TDRD7: variants seen among roughly 807,000 people sequenced by gnomAD.
The protein encoded by TDRD7 is tudor domain-containing protein 7.
A neutral mutation model predicts 109.8 loss-of-function variants in TDRD7; 47 were observed. The observed-to-expected ratio is 0.43, with a 90% CI of 0.34 to 0.55. The LOEUF (loss-of-function observed/expected upper bound fraction) is 0.55. TDRD7 is among the 20% of genes least tolerant of loss of function. TDRD7 has a pLI of 0.03. For synonymous variants in TDRD7, 424 were observed against 457.3 expected, an observed-to-expected ratio of 0.93 and a Z score of 0.93; for missense variants, 1,164 against 1,319.2, an observed-to-expected ratio of 0.88 and a Z score of 1.82.
chr9:97,471,293 C>G (rs1828907250), intron 9 of TDRD7, among the ~76,000 whole-genome samples: 1 of 152,106 alleles, frequency 6.6e-6, no homozygotes, highest in African/African-American at 2.4e-5. Context: ...GGACTTGAGC[C>G]AAATGCAGAA....
chr9:97,486,608 C>A lies in TDRD7; in HGVS notation c.2916-564C>A, dbSNP rs140794410. Among the ~76,000 whole-genome samples, 433 of 152,180 alleles carry A rather than the reference C, an allele frequency of 2.8e-3. 1 individual carries two copies. Among genetic ancestry groups the A allele is most frequent in the African/African-American group, 9.2e-3 (384 of 41,534 alleles). On this transcript the variant is annotated intron_variant, in intron 15 of 16. Transcript: ENST00000355295. ...TTTGATCTGTCCCCAGCGTGCCTTC[C>A]TAGTCTGACTTCTCTTCCATTCTTC...
At chr9:97,424,633 A>G (rs918421836) in intron 1 of TDRD7, among the ~76,000 whole-genome samples, 1 of 152,074 alleles carries the variant, frequency 6.6e-6, no homozygotes, top group Non-Finnish European at 1.5e-5. Flanking sequence ...TAGTGTTTGC[A>G]TGGTACATCT....
chr9:97,495,293 A>G (rs1417988132), intron 16 of TDRD7, among the ~76,000 whole-genome samples: 1 of 152,214 alleles, frequency 6.6e-6, no homozygotes, highest in Non-Finnish European at 1.5e-5. Flanking sequence ...TCCATCAGAA[A>G]AAAAATTTTT....
At chr9:97,440,126 C>T (rs1252903301) in intron 5 of TDRD7, among the ~76,000 whole-genome samples, 1 of 152,002 alleles carries the variant, frequency 6.6e-6, no homozygotes, top group Admixed American at 6.6e-5. Context: ...ACATGAATTA[C>T]TTTTACATAG....
At chr9:97,472,624 G>A in intron 10 of TDRD7, 129 bp downstream of exon 10, 1 of 831,740 alleles carries the variant, frequency 1.2e-6, no homozygotes, top group Non-Finnish European at 2.0e-6. Context: ...AAAAAAGGAG[G>A]GAGTGGGGCT....
chr9:97,418,505 G>A (rs1393204659), intron 1 of TDRD7, among the ~76,000 whole-genome samples: 2 of 151,982 alleles, frequency 1.3e-5, no homozygotes, highest in South Asian at 2.1e-4. Flanking sequence ...CATGGGTGGG[G>A]ACAAGAGGAA....
intron 1 of TDRD7, among the ~76,000 whole-genome samples, chr9:97,421,491 G>A (rs914518812): frequency 6.6e-6 from 1 of 152,182 alleles, no homozygotes; most frequent in Admixed American, 6.5e-5. Flanking sequence ...TACCACGTCT[G>A]TTATGAAAAT....
chr9:97,480,849 G>C lies in TDRD7; in HGVS notation c.2323G>C (p.Asp775His), dbSNP rs766150626. 2 of 1,614,062 alleles carry C rather than the reference G, an allele frequency of 1.2e-6. No homozygotes were observed. Among genetic ancestry groups the C allele is most frequent in the Non-Finnish European group, 1.7e-6 (2 of 1,179,958 alleles). Residue 775 changes from aspartate to histidine, a missense_variant, in exon 14 of 17, where the codon GAT (aspartate) becomes CAT (histidine). Coordinates refer to ENST00000355295, the MANE Select transcript of TDRD7 (RefSeq NM_014290.3). ...TCAGGCCATTAAGTGCTGTTTAGCA[G>C]ATCTTCCACAATCTATTGGCATGTG... ...PPQAIKCCLA[D>H]LPQSIGMWTP... is the part of the protein sequence containing the mutation.
At chr9:97,468,862 A>G (rs925834760) in intron 8 of TDRD7, among the ~76,000 whole-genome samples, 11 of 152,012 alleles carry the variant, frequency 7.2e-5, no homozygotes, top group Admixed American at 2.0e-4. Context: ...AGGACATTAG[A>G]GAGAGAGAGA....
At chr9:97,452,886 A>G (rs1472971550) in intron 6 of TDRD7, among the ~76,000 whole-genome samples, 3 of 152,236 alleles carry the variant, frequency 2.0e-5, no homozygotes, top group African/African-American at 4.8e-5. Flanking sequence ...TGGTCATGTC[A>G]GAGGTCATTG....
chr9:97,475,753 TA>T (rs1265785906), intron 12 of TDRD7, among the ~76,000 whole-genome samples: 2 of 152,200 alleles, frequency 1.3e-5, no homozygotes, highest in South Asian at 4.1e-4. Context: ...TTTTACTATA[TA>T]TTTTTAATAT....
chr9:97,460,281 C>T lies in TDRD7; in HGVS notation c.959C>T (p.Pro320Leu). 1 of 1,614,236 alleles carries T rather than the reference C, an allele frequency of 6.2e-7. No homozygotes were observed. Among genetic ancestry groups the T allele is most frequent in the Non-Finnish European group, 8.5e-7 (1 of 1,180,042 alleles). ...GATACTGAGAAAGTACCTCTATCCC[C>T]ACTACCTGGTCCCAAACAAACACCA... The part of the protein sequence containing the change: ...ELDTEKVPLS[P>L]LPGPKQTPPL... The change falls in exon 7 of 17, where the codon CCA becomes CTA. Residue 320 changes from proline to leucine, a missense_variant. Transcript: ENST00000355295.
At chr9:97,414,597 C>T (rs141829591) in intron 1 of TDRD7, among the ~76,000 whole-genome samples, 3 of 152,222 alleles carry the variant, frequency 2.0e-5, no homozygotes, top group East Asian at 3.9e-4. Flanking sequence ...AGGGTTTTTT[C>T]GTCTAGTATG....
intron 7 of TDRD7, among the ~76,000 whole-genome samples, chr9:97,462,698 G>T (rs1828745677): frequency 6.6e-6 from 1 of 152,188 alleles, no homozygotes; most frequent in Admixed American, 6.5e-5. Flanking sequence ...CCTTGCTCAG[G>T]TAATTTGAGG....
intron 6 of TDRD7, 93 bp downstream of exon 6, chr9:97,441,968 AGAC>A: frequency 9.5e-7 from 1 of 1,049,814 alleles, no homozygotes. Flanking sequence ...TATCCCCAGA[AGAC>A]AAAGCACTTT....
chr9:97,418,049 T>A (rs903797232), intron 1 of TDRD7, among the ~76,000 whole-genome samples: 1 of 152,000 alleles, frequency 6.6e-6, no homozygotes, highest in Non-Finnish European at 1.5e-5. Flanking sequence ...TGCTTCAACC[T>A]AGGAGGCAGA....
intron 14 of TDRD7, among the ~76,000 whole-genome samples, chr9:97,481,798 T>A (rs2131176060): frequency 6.6e-6 from 1 of 152,350 alleles, no homozygotes; most frequent in East Asian, 1.9e-4. Flanking sequence ...TTTTTAAAAC[T>A]GTACTTCTGT....
At chr9:97,495,457 A>G (rs1829381785) in intron 16 of TDRD7, among the ~76,000 whole-genome samples, 1 of 152,212 alleles carries the variant, frequency 6.6e-6, no homozygotes, top group Non-Finnish European at 1.5e-5. Context: ...TTAGTTAAAG[A>G]TTTCCAGAGT....
intron 6 of TDRD7, among the ~76,000 whole-genome samples, chr9:97,442,230 T>C (rs1828319341): frequency 6.6e-6 from 1 of 152,206 alleles, no homozygotes; most frequent in African/African-American, 2.4e-5. Flanking sequence ...GGAAGAATTG[T>C]TTTATTAGCC....
Sources: gnomAD v4.1 joint callset for allele counts (sites outside exome capture counted in the v4.1 genomes callset) on GRCh38, gnomAD v4.1.1 for gene constraint, MANE v1.5 for transcripts, NCBI Gene and HGNC (gene_info 2026-07-23, HGNC 2026-07-21) for gene names.